Variants in PRKG1 observed in about 807,000 individuals in gnomAD.
PRKG1 encodes the protein protein kinase cGMP-dependent 1.
Under a neutral mutation model 88.1 loss-of-function variants are expected in PRKG1, and 35 were observed. The ratio of observed to expected loss-of-function variants is 0.40; its 90% CI spans 0.30 to 0.53. PRKG1 has a LOEUF of 0.53. PRKG1 is among the 20% of genes least tolerant of loss of function. PRKG1 has a pLI of 0.59. For synonymous variants in PRKG1, 303 were observed against 292.5 expected (o/e 1.04, Z -0.37); for missense variants, 540 against 839.8 (o/e 0.64, Z 4.41).
intron 9 of PRKG1, among the ~76,000 whole-genome samples, chr10:52,186,355 C>A (rs1839200613): frequency 6.6e-6 from 1 of 152,108 alleles, no homozygotes; most frequent in African/African-American, 2.4e-5. Flanking sequence ...ACTCACTTAT[C>A]ACCAAGGGAC....
At chr10:51,591,975 G>A (rs1211614034) in intron 3 of PRKG1, among the ~76,000 whole-genome samples, 3 of 152,094 alleles carry the variant, frequency 2.0e-5, no homozygotes, top group Admixed American at 6.6e-5. Context: ...CTGTTAGGGG[G>A]GAAAACACAT....
chr10:51,737,221 C>A (rs190927096), intron 3 of PRKG1, among the ~76,000 whole-genome samples: 2 of 152,290 alleles, frequency 1.3e-5, no homozygotes, highest in African/African-American at 4.8e-5. Context: ...TTCCCCCACT[C>A]CCACATTCTT....
chr10:51,450,212 G>A (rs1225239973), intron 2 of PRKG1, among the ~76,000 whole-genome samples: 1 of 151,878 alleles, frequency 6.6e-6, no homozygotes, highest in East Asian at 1.9e-4. Flanking sequence ...AGTAATAGAA[G>A]AATGGTTAAC....
intron 3 of PRKG1, among the ~76,000 whole-genome samples, chr10:51,505,584 A>G (rs1283819920): frequency 6.6e-6 from 1 of 152,054 alleles, no homozygotes; most frequent in Non-Finnish European, 1.5e-5. Context: ...GAATTCGGCT[A>G]TGAATCCATC....
intron 5 of PRKG1, among the ~76,000 whole-genome samples, chr10:51,931,144 T>G (rs1001874876): frequency 6.6e-6 from 1 of 152,186 alleles, no homozygotes; most frequent in Admixed American, 6.5e-5. Context: ...ATTATGGAAC[T>G]GAATATTCAA....
chr10:51,225,143 G>A (rs1210368336), intron 2 of PRKG1, among the ~76,000 whole-genome samples: 1 of 152,218 alleles, frequency 6.6e-6, no homozygotes, highest in Non-Finnish European at 1.5e-5. Flanking sequence ...GAGTTTGGAA[G>A]ATTCTGTGTC....
chr10:51,839,657 G>A (rs1236690714), intron 4 of PRKG1, among the ~76,000 whole-genome samples: 4 of 152,148 alleles, frequency 2.6e-5, no homozygotes, highest in Admixed American at 2.0e-4. Context: ...CAGGGTTCTC[G>A]ATAATCGTAG....
At chr10:51,370,027 G>C (rs1347684360) in intron 2 of PRKG1, among the ~76,000 whole-genome samples, 1 of 152,042 alleles carries the variant, frequency 6.6e-6, no homozygotes, top group Non-Finnish European at 1.5e-5. Context: ...GCTGCCTTCT[G>C]GTGTTTGCCA....
chr10:51,121,189 C>G (rs994215979), intron 1 of PRKG1, among the ~76,000 whole-genome samples: 1 of 152,126 alleles, frequency 6.6e-6, no homozygotes, highest in Non-Finnish European at 1.5e-5. Flanking sequence ...ATCTTCCGAG[C>G]TCAATGTTCA....
intron 3 of PRKG1, among the ~76,000 whole-genome samples, chr10:51,583,931 G>C (rs1461540278): frequency 6.6e-6 from 1 of 151,982 alleles, no homozygotes; most frequent in Non-Finnish European, 1.5e-5. Context: ...ATTCTGTTGA[G>C]CTAAGGCTTT....
intron 6 of PRKG1, among the ~76,000 whole-genome samples, chr10:52,061,418 G>A (rs1846231841): frequency 6.6e-6 from 1 of 151,978 alleles, no homozygotes; most frequent in African/African-American, 2.4e-5. Context: ...CACATTTTCC[G>A]GGTAGGTGAA....
intron 3 of PRKG1, among the ~76,000 whole-genome samples, chr10:51,774,613 T>C (rs188925852): frequency 6.9e-4 from 105 of 152,240 alleles, no homozygotes; most frequent in Non-Finnish European, 1.1e-3. Context: ...GTGTTTATCA[T>C]ATGAAAGAAT....
chr10:51,717,749 G>A (rs547225107), intron 3 of PRKG1, among the ~76,000 whole-genome samples: 39 of 151,664 alleles, frequency 2.6e-4, no homozygotes, highest in Non-Finnish European at 4.9e-4. Context: ...GGAGAATGGC[G>A]TGAACCCGGG....
chr10:51,105,543 A>T (rs944897852), intron 1 of PRKG1, among the ~76,000 whole-genome samples: 2 of 152,218 alleles, frequency 1.3e-5, no homozygotes, highest in African/African-American at 4.8e-5. Context: ...TACAATATTG[A>T]GTAGTAGTTA....
intron 4 of PRKG1, among the ~76,000 whole-genome samples, chr10:51,864,148 A>T (rs1386131420): frequency 6.6e-6 from 1 of 152,162 alleles, no homozygotes; most frequent in Non-Finnish European, 1.5e-5. Context: ...CAAGGATAAG[A>T]TGGTCACTCT....
At chr10:51,874,633 A>C (rs1841247656) in intron 4 of PRKG1, among the ~76,000 whole-genome samples, 6 of 152,136 alleles carry the variant, frequency 3.9e-5, no homozygotes, top group Admixed American at 3.9e-4. Flanking sequence ...AAAAAGAAGA[A>C]GACATCTGAG....
intron 2 of PRKG1, among the ~76,000 whole-genome samples, chr10:51,179,446 A>G (rs1449813108): frequency 6.6e-6 from 1 of 152,242 alleles, no homozygotes; most frequent in Non-Finnish European, 1.5e-5. Flanking sequence ...TTATCCGTAC[A>G]TATTCGTTTA....
chr10:51,438,265 A>C (rs2132741192), intron 2 of PRKG1, among the ~76,000 whole-genome samples: 1 of 152,068 alleles, frequency 6.6e-6, no homozygotes, highest in African/African-American at 2.4e-5. Flanking sequence ...TGTAATAAAT[A>C]CCTTACATTA....
chr10:51,501,950 C>G (rs1469834340), intron 3 of PRKG1, among the ~76,000 whole-genome samples: 1 of 151,844 alleles, frequency 6.6e-6, no homozygotes, highest in Admixed American at 6.6e-5. Flanking sequence ...TCCAGGAATT[C>G]TTTGTGATTT....
Sources: allele counts gnomAD v4.1 joint callset (sites outside exome capture counted in the v4.1 genomes callset), GRCh38; gene constraint gnomAD v4.1.1; transcripts MANE v1.5; gene names NCBI Gene and HGNC (gene_info 2026-07-23, HGNC 2026-07-21).